The following CPEB4 variants were observed in gnomAD, a reference collection of about 807,000 sequenced individuals.
CPEB4 encodes cytoplasmic polyadenylation element binding protein 4, also known as cytoplasmic polyadenylation element-binding protein 4.
A neutral mutation model predicts 72.5 loss-of-function variants in CPEB4; 12 were observed. The observed-to-expected ratio is 0.17, with a 90% CI of 0.11 to 0.27. The LOEUF (loss-of-function observed/expected upper bound fraction) is 0.27. Among genes scored for constraint, CPEB4 ranks in the 10% least tolerant of loss-of-function variants. CPEB4 has a pLI of 1.00. For missense variants in CPEB4, 614 were observed against 908.5 expected, an observed-to-expected ratio of 0.68 and a Z score of 4.17; for synonymous variants, 302 against 326.3, an observed-to-expected ratio of 0.93 and a Z score of 0.80.
chr5:173,952,469 C>G (rs1303185866), intron 8 of CPEB4, among the ~76,000 whole-genome samples: 1 of 152,204 alleles, frequency 6.6e-6, no homozygotes, highest in African/African-American at 2.4e-5. Flanking sequence ...TTCCTAACTT[C>G]AAGTAATTTG....
At chr5:173,944,494 A>T (rs941678843) in intron 4 of CPEB4, among the ~76,000 whole-genome samples, 1 of 144,588 alleles carries the variant, frequency 6.9e-6, no homozygotes, top group Non-Finnish European at 1.5e-5. Context: ...AAAAAAAAAA[A>T]TTGACTTGTT....
rs1209973665 is a variant in CPEB4 at position 173,959,890 on chromosome 5, G to A, written c.*3753G>A. 1 of 152,238 alleles carries A rather than the reference G, an allele frequency of 6.6e-6. No homozygotes were observed. Among genetic ancestry groups the A allele is most frequent in the Non-Finnish European group, 1.5e-5 (1 of 67,884 alleles). 9.4% of individuals were successfully genotyped at this position (152,238 alleles called of 1,614,324 possible). A position where few individuals can be genotyped will look rare whatever the true frequency, so the allele number is the denominator to read the frequency against. On this transcript the variant is annotated 3_prime_UTR_variant, in exon 10 of 10. Coordinates refer to ENST00000265085, the MANE Select transcript of CPEB4 (RefSeq NM_030627.4). ...TCATCAGATTTTTGTTATATTTTTT[G>A]GAAGTGAAACTTTTAGCAAGTGGGT...
intron 3 of CPEB4, among the ~76,000 whole-genome samples, chr5:173,939,177 CTATTTA>C (rs1757735800): frequency 6.6e-6 from 1 of 152,020 alleles, no homozygotes; most frequent in Non-Finnish European, 1.5e-5. Flanking sequence ...TCCCACATAT[CTATTTA>C]TATTTTCTTT....
rs1755708960 is a variant in CPEB4, at chr5:173,889,012, C to T, written c.-722C>T. 1 of 153,850 alleles carries T rather than the reference C, an allele frequency of 6.5e-6. No homozygotes were observed. Among genetic ancestry groups the T allele is most frequent in the Admixed American group, 6.5e-5 (1 of 15,314 alleles). The allele number at this position is 153,850 out of a possible 1,614,324, so 9.5% of individuals were successfully genotyped here. A position where few individuals can be genotyped will look rare whatever the true frequency, so the allele number is the denominator to read the frequency against. ...TGCACCCGGAGCCTCAGGAACAGCC[C>T]CAGAGGCCAAAACTGCACCCTGCGA... is the stretch of plus-strand genomic sequence containing the variant. On this transcript the variant is annotated 5_prime_UTR_variant, in exon 1 of 10. Transcript: ENST00000265085.
chr5:173,961,386 G>A lies in CPEB4; in HGVS notation c.*5249G>A, dbSNP rs1758545327. 1 of 152,192 alleles carries A rather than the reference G, an allele frequency of 6.6e-6. No individual in the cohort carries two copies. Among genetic ancestry groups the A allele is most frequent in the African/African-American group, 2.4e-5 (1 of 41,456 alleles). The allele number at this position is 152,192 out of a possible 1,614,324, so 9.4% of individuals were successfully genotyped here. On this transcript the variant is annotated 3_prime_UTR_variant, in exon 10 of 10. Transcript: ENST00000265085. Reference sequence around the variant, plus strand: ...TTTATTTTAGGAAATGTTTATTTCAGGTAAGTGAGATATCAATGATATGTG... The same window carrying A: ...TTTATTTTAGGAAATGTTTATTTCAAGTAAGTGAGATATCAATGATATGTG...
chr5:173,892,859 G>T (rs1472386822), intron 1 of CPEB4, among the ~76,000 whole-genome samples: 1 of 152,162 alleles, frequency 6.6e-6, no homozygotes, highest in Non-Finnish European at 1.5e-5. Context: ...TATATTGTTA[G>T]AAACTAACTC....
chr5:173,923,682 C>T (rs1053269072), intron 2 of CPEB4, among the ~76,000 whole-genome samples: 5 of 151,950 alleles, frequency 3.3e-5, no homozygotes, highest in African/African-American at 1.2e-4. Context: ...ACTTTTCTTT[C>T]CATTATATTT....
intron 1 of CPEB4, among the ~76,000 whole-genome samples, chr5:173,899,362 T>C (rs939554858): frequency 6.6e-6 from 1 of 152,200 alleles, no homozygotes; most frequent in African/African-American, 2.4e-5. Flanking sequence ...GAGGAGTCTT[T>C]AAGAGAAAAC....
At position 173,938,574 on chromosome 5, in the gene CPEB4, C is replaced by G. The variant is rs75236659; in HGVS notation, c.1259-4452C>G. On this transcript the variant is annotated intron_variant, in intron 3 of 9. Transcript: ENST00000265085. ...CATCTTATCATCTGAGCTACACCCC[C>G]CTTTTTTTTCCAGATAGAATTGCTA... Among the ~76,000 whole-genome samples the G allele has an allele frequency of 8.8e-4, 134 of 152,268 alleles. 1 individual carries two copies. In the East Asian group the frequency reaches 0.025, roughly 28 times the overall value.
At position 173,949,541 on chromosome 5, in the gene CPEB4, C is replaced by T. The variant is rs948731859; in HGVS notation, c.1490C>T (p.Pro497Leu). The T allele has an allele frequency of 6.2e-7, 1 of 1,613,568 alleles. No homozygotes were observed. Among genetic ancestry groups the T allele is most frequent in the East Asian group, 2.2e-5 (1 of 44,866 alleles). Residue 497 changes from proline to leucine, a missense_variant, in exon 6 of 10, where the codon CCT (proline) becomes CTT (leucine). Pro to Leu is a moderately conservative substitution (Grantham distance 98). Coordinates refer to ENST00000265085, the MANE Select transcript of CPEB4 (RefSeq NM_030627.4). ...EITASFRRFG[P>L]LIVDWPHKAE... is the part of the protein sequence containing the mutation. Reference sequence around the variant, plus strand: ...ACAGCTAGTTTTCGTCGCTTTGGCCCTCTGATTGTGGATTGGCCTCATAAA... The same window carrying T: ...ACAGCTAGTTTTCGTCGCTTTGGCCTTCTGATTGTGGATTGGCCTCATAAA...
intron 2 of CPEB4, among the ~76,000 whole-genome samples, chr5:173,921,997 CA>C (rs1226177470): frequency 6.6e-6 from 1 of 152,136 alleles, no homozygotes; most frequent in African/African-American, 2.4e-5. Flanking sequence ...CTTCATTTTA[CA>C]GTTGAAAAGA....
chr5:173,948,502 A>G (rs1002882701), intron 5 of CPEB4, among the ~76,000 whole-genome samples: 1 of 152,170 alleles, frequency 6.6e-6, no homozygotes, highest in African/African-American at 2.4e-5. Flanking sequence ...TCTTGGGGGA[A>G]AAAAGATTAA....
At chr5:173,951,599 T>G (rs1264747404) in intron 7 of CPEB4, among the ~76,000 whole-genome samples, 3 of 152,212 alleles carry the variant, frequency 2.0e-5, no homozygotes, top group African/African-American at 7.2e-5. Context: ...GTAATTTGGC[T>G]TATAATAGAC....
intron 4 of CPEB4, among the ~76,000 whole-genome samples, chr5:173,944,394 G>T (rs992687164): frequency 1.3e-5 from 2 of 150,470 alleles, no homozygotes; most frequent in South Asian, 4.2e-4. Context: ...AGGGTCACTT[G>T]AGCACAAGAG....
chr5:173,916,305 C>T (rs1051736738), intron 2 of CPEB4, among the ~76,000 whole-genome samples: 6 of 152,180 alleles, frequency 3.9e-5, no homozygotes, highest in African/African-American at 1.2e-4. Context: ...AACATATCCA[C>T]CACAATTCCT....
intron 2 of CPEB4, among the ~76,000 whole-genome samples, chr5:173,917,514 A>G (rs1225985982): frequency 6.6e-6 from 1 of 152,190 alleles, no homozygotes; most frequent in Non-Finnish European, 1.5e-5. Flanking sequence ...TGGGTGGATC[A>G]CCAGGAGTTC....
intron 2 of CPEB4, among the ~76,000 whole-genome samples, chr5:173,916,749 A>G (rs1756883915): frequency 6.6e-6 from 1 of 152,226 alleles, no homozygotes; most frequent in East Asian, 1.9e-4. Context: ...AAAAGAATTT[A>G]TAATAACCTT....
rs1463084701 is a variant in CPEB4, at chr5:173,900,491, G to T, written c.1125+9633G>T. Among the ~76,000 whole-genome samples the T allele has an allele frequency of 6.6e-6, 1 of 152,138 alleles. No homozygotes were observed. Among genetic ancestry groups the T allele is most frequent in the Non-Finnish European group, 1.5e-5 (1 of 68,036 alleles). On this transcript the variant is annotated intron_variant, in intron 1 of 9. Transcript: ENST00000265085. The surrounding 1 kb of genome is among the most constrained non-coding windows in gnomAD (Gnocchi z 4.4). ...TCAGACCTAGCAGACATGGAGAACA[G>T]GAACTCTAACAGCCAGTTGAGGTCT...
chr5:173,935,231 T>C (rs928207396), intron 3 of CPEB4, among the ~76,000 whole-genome samples: 3 of 152,356 alleles, frequency 2.0e-5, no homozygotes, highest in African/African-American at 7.2e-5. Flanking sequence ...AGGATTAATA[T>C]GAGTTTGCAA....
Sources: allele counts gnomAD v4.1 joint callset (sites outside exome capture counted in the v4.1 genomes callset), GRCh38; gene constraint gnomAD v4.1.1; non-coding constraint Gnocchi (gnomAD v3.1); transcripts MANE v1.5; gene names NCBI Gene and HGNC (gene_info 2026-07-23, HGNC 2026-07-21).